The following MMP16 variants were observed in gnomAD, a reference collection of about 807,000 sequenced individuals.
MMP16 encodes matrix metalloproteinase-16.
MMP16 carries 12 observed loss-of-function variants against 67.8 expected under a neutral mutation model. The ratio of observed to expected loss-of-function variants is 0.18; its 90% confidence interval spans 0.11 to 0.29. MMP16 has a LOEUF of 0.29. Among genes scored for constraint, MMP16 ranks in the 10% least tolerant of loss-of-function variants. The pLI is 1.00. For missense variants in MMP16, 475 were observed against 765.7 expected (o/e 0.62, Z 4.48); for synonymous variants, 249 against 255.9 (o/e 0.97, Z 0.26).
intron 6 of MMP16, among the ~76,000 whole-genome samples, chr8:88,089,861 A>G (rs1158302040): frequency 1.2e-4 from 19 of 152,068 alleles, no homozygotes; most frequent in Admixed American, 1.2e-3. Flanking sequence ...TAATTAAAAA[A>G]AAATCAGATT....
intron 6 of MMP16, among the ~76,000 whole-genome samples, chr8:88,096,376 A>T (rs1809026907): frequency 6.6e-6 from 1 of 151,934 alleles, no homozygotes; most frequent in Non-Finnish European, 1.5e-5. Context: ...AAAACTTAAA[A>T]AGTCTTACTT....
intron 7 of MMP16, among the ~76,000 whole-genome samples, chr8:88,073,532 A>G (rs1244619044): frequency 2.0e-5 from 3 of 152,186 alleles, no homozygotes; most frequent in Non-Finnish European, 4.4e-5. Flanking sequence ...ACATGGCCAT[A>G]AAATTATCAT....
intron 1 of MMP16, among the ~76,000 whole-genome samples, chr8:88,249,785 C>T (rs1436514949): frequency 6.6e-6 from 1 of 152,036 alleles, no homozygotes; most frequent in Non-Finnish European, 1.5e-5. Flanking sequence ...TAGAGGAAAT[C>T]CATGAGAAAT....
chr8:88,319,715 G>C (rs138913554), intron 1 of MMP16, among the ~76,000 whole-genome samples: 1 of 152,154 alleles, frequency 6.6e-6, no homozygotes, highest in Admixed American at 6.6e-5. Context: ...GCAATTTAGG[G>C]ACATGAAATG....
intron 4 of MMP16, among the ~76,000 whole-genome samples, chr8:88,136,749 G>A (rs1016349856): frequency 6.6e-6 from 1 of 150,856 alleles, no homozygotes; most frequent in African/African-American, 2.4e-5. Context: ...TAAATAAATG[G>A]TTTATATTTT....
In MMP16 at chr8:88,058,613, G is replaced by A. The variant is rs927043450; in HGVS notation, c.1223-2335C>T. ...GCTACTTTGTATTAGATGCAGGAGA[G>A]ATCTCTTTATTCAACTGTGACATAT... On this transcript the variant is annotated intron_variant, in intron 7 of 9. Coordinates refer to ENST00000286614, the MANE Select transcript of MMP16 (RefSeq NM_005941.5). This position sits in a 1 kb window ranked among gnomAD's most constrained non-coding sequence, Gnocchi z 4.2. Among the ~76,000 whole-genome samples the A allele has an allele frequency of 6.6e-6, 1 of 152,114 alleles. No homozygotes were observed. Among genetic ancestry groups the A allele is most frequent in the African/African-American group, 2.4e-5 (1 of 41,448 alleles).
chr8:88,073,023 A>C (rs1050882875), intron 7 of MMP16, among the ~76,000 whole-genome samples: 2 of 152,162 alleles, frequency 1.3e-5, no homozygotes, highest in African/African-American at 4.8e-5. Flanking sequence ...TGACTGTGGC[A>C]GTTTCGCCTC....
In MMP16 at chr8:88,278,188, G is replaced by C. The variant is rs142951091; in HGVS notation, c.132+48887C>G. 9.7e-4 allele frequency among the ~76,000 whole-genome samples: 148 copies of C among 152,272 alleles called. No homozygotes were observed. In the South Asian group the frequency reaches 0.011, roughly 11 times the overall value. On this transcript the variant is annotated intron_variant, in intron 1 of 9. Coordinates refer to ENST00000286614, the MANE Select transcript of MMP16 (RefSeq NM_005941.5). Reference sequence around the variant, plus strand: ...TACTGAAGCTGAAATCCTGAAACCTGTATTTTTGGCTGTTCTAATATCTTT... The same window carrying C: ...TACTGAAGCTGAAATCCTGAAACCTCTATTTTTGGCTGTTCTAATATCTTT...
intron 2 of MMP16, among the ~76,000 whole-genome samples, chr8:88,193,515 ATAG>A (rs1809202607): frequency 6.6e-6 from 1 of 152,086 alleles, no homozygotes; most frequent in Non-Finnish European, 1.5e-5. Flanking sequence ...TGAATAAGAG[ATAG>A]TAGTAAATAG....
At chr8:88,114,510 A>G (rs1381209776) in intron 6 of MMP16, among the ~76,000 whole-genome samples, 2 of 151,996 alleles carry the variant, frequency 1.3e-5, no homozygotes, top group African/African-American at 2.4e-5. Flanking sequence ...ACAGGATGCT[A>G]GTTTCCATTC....
At chr8:88,045,255 T>A (rs1439660014) in intron 9 of MMP16, among the ~76,000 whole-genome samples, 1 of 152,184 alleles carries the variant, frequency 6.6e-6, no homozygotes, top group Non-Finnish European at 1.5e-5. Context: ...CAAAAAACAG[T>A]ACATGTACTT....
chr8:88,236,774 C>T lies in MMP16; in HGVS notation c.133-39468G>A, dbSNP rs538410941. On this transcript the variant is annotated intron_variant, in intron 1 of 9. Coordinates refer to ENST00000286614, the MANE Select transcript of MMP16 (RefSeq NM_005941.5). Reference sequence around the variant, plus strand: ...TAACAACAACAAACAGAAGACCAGCCCTATGATCAAAGCTTTTCACCTTCT... The same window carrying T: ...TAACAACAACAAACAGAAGACCAGCTCTATGATCAAAGCTTTTCACCTTCT... Among the ~76,000 whole-genome samples the T allele has an allele frequency of 3.3e-5, 3 of 90,304 alleles. 1 individual carries two copies. In the East Asian group the frequency reaches 2.5e-3, roughly 74 times the overall value. 59.2% of individuals were successfully genotyped at this position (90,304 alleles called of 152,430 possible).
At position 88,261,811 on chromosome 8, in the gene MMP16, T is replaced by C. The variant is rs552280676; in HGVS notation, c.133-64505A>G. On this transcript the variant is annotated intron_variant, in intron 1 of 9. Transcript: ENST00000286614. Reference sequence around the variant, plus strand: ...CACACACAACCATATAACCATTTACTGATGGAAGAGGATAACATTTACTGA... The same window carrying C: ...CACACACAACCATATAACCATTTACCGATGGAAGAGGATAACATTTACTGA... Among the ~76,000 whole-genome samples, 299 of 123,426 alleles carry C rather than the reference T, an allele frequency of 2.4e-3. 1 individual carries two copies. Among genetic ancestry groups the C allele is most frequent in the African/African-American group, 8.1e-3 (288 of 35,592 alleles). 81.0% of individuals were successfully genotyped at this position (123,426 alleles called of 152,430 possible). A position where few individuals can be genotyped will look rare whatever the true frequency, so the allele number is the denominator to read the frequency against.
chr8:88,255,941 C>T (rs1018047539), intron 1 of MMP16, among the ~76,000 whole-genome samples: 8 of 152,130 alleles, frequency 5.3e-5, no homozygotes, highest in Non-Finnish European at 7.4e-5. Context: ...TTCATTTTCT[C>T]CTACTGTTAT....
intron 7 of MMP16, among the ~76,000 whole-genome samples, chr8:88,059,736 G>A (rs191242445): frequency 1.1e-4 from 17 of 152,078 alleles, no homozygotes; most frequent in Admixed American, 7.9e-4. Flanking sequence ...AAAATGCTGT[G>A]CTGCAGAGTA....
intron 3 of MMP16, among the ~76,000 whole-genome samples, chr8:88,170,858 G>A (rs1808788678): frequency 6.6e-6 from 1 of 151,974 alleles, no homozygotes; most frequent in Admixed American, 6.6e-5. Flanking sequence ...AATGGATGAT[G>A]GGACAAAAAT....
intron 6 of MMP16, among the ~76,000 whole-genome samples, chr8:88,100,646 T>C (rs1809125501): frequency 6.6e-6 from 1 of 152,012 alleles, no homozygotes; most frequent in Non-Finnish European, 1.5e-5. Context: ...CAAAGGATTA[T>C]AAATCATGCT....
In MMP16 at chr8:88,167,582, T is replaced by C. The variant is rs975469251; in HGVS notation, c.709+87A>G. ...ATTTTAAAAGTAAATTTAGGATCTA[T>C]ACCTTAAGTTTGTAAATTGTTAAAT... On this transcript the variant is annotated intron_variant, in intron 4 of 9. Transcript: ENST00000286614. 10 of 1,298,432 alleles carry C rather than the reference T, an allele frequency of 7.7e-6. No individual in the cohort carries two copies. In the African/African-American group the frequency reaches 1.1e-4, roughly 14 times the overall value. The allele number at this position is 1,298,432 out of a possible 1,614,324, so 80.4% of individuals were successfully genotyped here. A position where few individuals can be genotyped will look rare whatever the true frequency, so the allele number is the denominator to read the frequency against.
At chr8:88,120,358 A>T (rs989775290) in intron 4 of MMP16, among the ~76,000 whole-genome samples, 5 of 151,970 alleles carry the variant, frequency 3.3e-5, no homozygotes, top group Non-Finnish European at 7.4e-5. Context: ...TTAGATATGG[A>T]ACATCTAATC....
Sources: allele counts gnomAD v4.1 joint callset (sites outside exome capture counted in the v4.1 genomes callset), GRCh38; gene constraint gnomAD v4.1.1; non-coding constraint Gnocchi (gnomAD v3.1); transcripts MANE v1.5; gene names NCBI Gene and HGNC (gene_info 2026-07-23, HGNC 2026-07-21).